The following TDP1 variants were observed in gnomAD, a reference collection of about 807,000 sequenced individuals.
TDP1 encodes the protein tyr-DNA phosphodiesterase 1.
In TDP1, 64 loss-of-function variants were observed where a neutral mutation model predicts 81.5. The observed-to-expected ratio is 0.79, with a 90% confidence interval of 0.64 to 0.97. The LOEUF (loss-of-function observed/expected upper bound fraction) is 0.97. TDP1 is among the 50% of genes least tolerant of loss of function. The probability of loss-of-function intolerance (pLI) is 0.00; values close to 1 mark genes in which losing one functional copy is unlikely to be tolerated. For synonymous variants in TDP1, 256 were observed against 264.3 expected, an observed-to-expected ratio of 0.97 and a Z score of 0.30; for missense variants, 723 against 743.8, an observed-to-expected ratio of 0.97 and a Z score of 0.33.
At chr14:90,033,481 T>C (rs927329296) in intron 16 of TDP1, 9 of 479,682 alleles carry the variant, frequency 1.9e-5, no homozygotes, top group African/African-American at 1.6e-4. Context: ...ATTGAAAATA[T>C]CATAAGTCAA....
At chr14:89,989,430 T>C in intron 11 of TDP1, 2 of 984,138 alleles carry the variant, frequency 2.0e-6, no homozygotes, top group Non-Finnish European at 2.4e-6. Context: ...ATGGGCATTT[T>C]AATTATTTAG....
At chr14:89,962,640 G>C (rs1434392887) in intron 2 of TDP1, among the ~76,000 whole-genome samples, 1 of 151,950 alleles carries the variant, frequency 6.6e-6, no homozygotes, top group East Asian at 1.9e-4. Flanking sequence ...AAGGTGGGTG[G>C]ATCTCTTGAG....
chr14:90,040,403 C>A (rs1888248363), intron 16 of TDP1, among the ~76,000 whole-genome samples: 1 of 152,206 alleles, frequency 6.6e-6, no homozygotes, highest in Non-Finnish European at 1.5e-5. Flanking sequence ...GAAACAAGGT[C>A]TCTGTGCATG....
At chr14:89,970,708 T>TA (rs1893525374) in intron 5 of TDP1, 1 of 427,086 alleles carries the variant, frequency 2.3e-6, no homozygotes, top group Admixed American at 6.4e-5. Context: ...ACATTAGCTT[T>TA]TCACTGCTCT....
At chr14:89,991,774 TC>T in intron 12 of TDP1, 142 bp from the exon 13 acceptor site, 4 of 1,205,008 alleles carry the variant, frequency 3.3e-6, no homozygotes, top group Non-Finnish European at 4.5e-6. Context: ...ACATTTTCTT[TC>T]AAATAACTAT....
intron 9 of TDP1, 161 bp downstream of exon 9, chr14:89,984,844 G>A (rs1204414822): frequency 1.0e-6 from 1 of 985,408 alleles, no homozygotes; most frequent in East Asian, 1.1e-4. Context: ...TCTGTATCTT[G>A]TGGTTCTCAG....
At chr14:90,000,546 C>CGCCT (rs1897100781) in intron 14 of TDP1, among the ~76,000 whole-genome samples, 1 of 152,022 alleles carries the variant, frequency 6.6e-6, no homozygotes, top group Non-Finnish European at 1.5e-5. Context: ...CACCAGACCA[C>CGCCT]GGCTAATTTT....
intron 14 of TDP1, among the ~76,000 whole-genome samples, chr14:90,006,155 G>A (rs759904579): frequency 9.2e-5 from 14 of 152,146 alleles, no homozygotes; most frequent in Non-Finnish European, 1.5e-4. Flanking sequence ...AATCTATTTG[G>A]TGGTTTGTCA....
rs758257019 is a variant in TDP1, at chr14:89,993,411, C to G, written c.1469C>G (p.Ala490Gly). ...GCTGAGACTTCTGGCCGCAGCAATG[C>G]CATGCCACATATTAAGACATATATG... ...WSAETSGRSN[A>G]MPHIKTYMRP... The change falls in exon 14 of 17, where the codon GCC (alanine) becomes GGC (glycine). Residue 490 changes from alanine to glycine, a missense_variant. By Grantham distance (60) the Ala-to-Gly change is moderately conservative. Coordinates refer to ENST00000335725, the MANE Select transcript of TDP1 (RefSeq NM_018319.4). 1.2e-6 allele frequency: 2 copies of G among 1,613,890 alleles called. No homozygotes were observed. Among genetic ancestry groups the G allele is most frequent in the Middle Eastern group, 1.7e-4 (1 of 6,060 alleles).
chr14:89,966,007 C>A, intron 3 of TDP1, 140 bp from the exon 4 acceptor site: 1 of 1,002,040 alleles, frequency 1.0e-6, no homozygotes, highest in South Asian at 1.5e-5. Context: ...ACATTAAAGT[C>A]TGACTTTGTA....
intron 5 of TDP1, among the ~76,000 whole-genome samples, chr14:89,967,838 G>T (rs1329228717): frequency 1.3e-5 from 2 of 152,202 alleles, no homozygotes; most frequent in Non-Finnish European, 2.9e-5. Context: ...GATGAGGAAA[G>T]GAGGCTTATC....
At chr14:89,971,093 C>T (rs1019653670) in intron 5 of TDP1, 82 bp from the exon 6 acceptor site, 3 of 1,267,268 alleles carry the variant, frequency 2.4e-6, no homozygotes, top group African/African-American at 2.9e-5. Context: ...GCCTCGGCCT[C>T]CCAAGGTGCC....
chr14:89,989,263 A>G (rs1895923102), intron 11 of TDP1, 173 bp downstream of exon 11: 1 of 974,388 alleles, frequency 1.0e-6, no homozygotes, highest in Non-Finnish European at 1.2e-6. Context: ...GTCATTTGTA[A>G]TCAAGTTGCC....
intron 2 of TDP1, among the ~76,000 whole-genome samples, chr14:89,961,674 T>C (rs1281037188): frequency 6.6e-6 from 1 of 152,122 alleles, no homozygotes; most frequent in Non-Finnish European, 1.5e-5. Flanking sequence ...GTTTTTAAGG[T>C]TTCTCTGGGG....
At position 90,044,586 on chromosome 14, in the gene TDP1, G is replaced by C. The variant is rs1226458123; in HGVS notation, c.*1443G>C. On this transcript the variant is annotated 3_prime_UTR_variant, in exon 17 of 17. Coordinates refer to ENST00000335725, the MANE Select transcript of TDP1 (RefSeq NM_018319.4). ...CTTAGGAACCTTGTAGGCTGCAGTG[G>C]GGGTGTGGCGATAGAGCAGGAGGCA... The C allele has an allele frequency of 6.6e-6, 1 of 152,314 alleles. No homozygotes were observed. The highest frequency in any genetic ancestry group is 1.9e-4 in the East Asian group (1 of 5,208). 9.4% of individuals were successfully genotyped at this position (152,314 alleles called of 1,614,324 possible).
At chr14:90,020,949 C>T (rs1886018925) in intron 15 of TDP1, among the ~76,000 whole-genome samples, 1 of 151,612 alleles carries the variant, frequency 6.6e-6, no homozygotes, top group African/African-American at 2.4e-5. Flanking sequence ...GCGCCTGCCA[C>T]CACGTCCAGC....
chr14:89,955,358 C>T (rs1319516529), upstream of TDP1: 1 of 152,234 alleles, frequency 6.6e-6, no homozygotes, highest in African/African-American at 2.4e-5. Context: ...AGAATAAATA[C>T]CATAAACAGC....
At chr14:90,001,120 T>A (rs138304194) in intron 14 of TDP1, among the ~76,000 whole-genome samples, 4 of 152,336 alleles carry the variant, frequency 2.6e-5, no homozygotes, top group Admixed American at 2.0e-4. Context: ...AAGTAGAGGA[T>A]GTTGACTTCC....
intron 16 of TDP1, among the ~76,000 whole-genome samples, chr14:90,041,763 T>C (rs1483269741): frequency 6.6e-6 from 1 of 152,266 alleles, no homozygotes; most frequent in Non-Finnish European, 1.5e-5. Context: ...GTGATGTATT[T>C]ACGGTCTACC....
Sources: allele counts gnomAD v4.1 joint callset (sites outside exome capture counted in the v4.1 genomes callset), GRCh38; gene constraint gnomAD v4.1.1; transcripts MANE v1.5; gene names NCBI Gene and HGNC (gene_info 2026-07-23, HGNC 2026-07-21).